Variants in DPH7 observed in about 807,000 individuals in gnomAD.
The protein encoded by DPH7 is diphthine methyltransferase.
Under a neutral mutation model 41.7 loss-of-function variants are expected in DPH7, and 44 were observed. The ratio of observed to expected loss-of-function variants is 1.05; its 90% CI spans 0.83 to 1.36. DPH7 has a LOEUF of 1.36. Among genes scored for constraint, DPH7 ranks in the 40% most tolerant of loss-of-function variants. The pLI, the probability that DPH7 is intolerant of heterozygous loss-of-function variation, is 0.00. For missense variants in DPH7, 629 were observed against 577.5 expected (o/e 1.09, Z -0.91); for synonymous variants, 275 against 238.0 (o/e 1.16, Z -1.43).
intron 3 of DPH7, 151 bp downstream of exon 3, chr9:137,575,929 A>G: frequency 6.9e-7 from 1 of 1,451,224 alleles, no homozygotes; most frequent in South Asian, 1.4e-5. Flanking sequence ...TACAACTTAA[A>G]AATAGACTCC....
rs554932113 is a variant in DPH7 at position 137,575,602 on chromosome 9, C to T, written c.375+478G>A. The T allele has an allele frequency of 5.7e-5, 57 of 1,008,250 alleles. 1 individual carries two copies. The South Asian group carries it at 1.4e-3, about 25-fold the overall frequency. The allele number at this position is 1,008,250 out of a possible 1,614,324, so 62.5% of individuals were successfully genotyped here. A position where few individuals can be genotyped will look rare whatever the true frequency, so the allele number is the denominator to read the frequency against. The stretch of plus-strand genomic sequence containing the variant: ...TCAGGCTGTTTACATCACCCCACTA[C>T]GGGACATCCCCGTTCTCCTCCCCGA... On this transcript the variant is annotated intron_variant, in intron 3 of 8. Transcript: ENST00000277540.
At chr9:137,569,554 C>A (rs1840029899) in intron 5 of DPH7, among the ~76,000 whole-genome samples, 1 of 125,604 alleles carries the variant, frequency 8.0e-6, no homozygotes, top group Non-Finnish European at 1.7e-5. Context: ...ATCCACCCAC[C>A]ACCCACCACC....
At chr9:137,577,886 G>T in intron 1 of DPH7, 1 of 859,466 alleles carries the variant, frequency 1.2e-6, no homozygotes, top group Non-Finnish European at 1.4e-6. Context: ...CCTGACTTAC[G>T]CCTGTTGTTC....
chr9:137,574,941 T>C, intron 3 of DPH7, 98 bp from the exon 4 acceptor site: 2 of 1,569,274 alleles, frequency 1.3e-6, no homozygotes, highest in Non-Finnish European at 8.6e-7. Flanking sequence ...TTCCCTCATT[T>C]ACAACCTATG....
At position 137,556,880 on chromosome 9, in the gene DPH7, CG is replaced by C. The variant is rs1564399120; in HGVS notation, c.950-1233del. ...GAGCCACAGCCTGGGAAAAAGACAG[CG>C]AATGAGTGGACGGAAGACACTGTTG... On this transcript the variant is annotated intron_variant, in intron 8 of 8. Coordinates refer to ENST00000277540, the MANE Select transcript of DPH7 (RefSeq NM_138778.5). This position sits in a 1 kb window ranked among gnomAD's most constrained non-coding sequence, Gnocchi z 5.2. 2 of 456,626 alleles carry C rather than the reference CG, an allele frequency of 4.4e-6. No individual in the cohort carries two copies. The highest frequency in any genetic ancestry group is 2.0e-5 in the African/African-American group (1 of 50,186). The allele number at this position is 456,626 out of a possible 1,614,324, so 28.3% of individuals were successfully genotyped here.
chr9:137,577,455 T>C lies in DPH7; in HGVS notation c.287+15A>G. 6.2e-7 allele frequency: 1 copy of C among 1,612,132 alleles called. No individual in the cohort carries two copies. The highest frequency in any genetic ancestry group is 8.5e-7 in the Non-Finnish European group (1 of 1,178,690). ...ATGACAAATTCTACACCCAGTGGGA[T>C]TATCACAGTTATACCATTTCATGTC... On this transcript the variant is annotated intron_variant, in intron 2 of 8. Transcript: ENST00000277540.
chr9:137,560,608 AC>A, intron 8 of DPH7, among the ~76,000 whole-genome samples: 1 of 152,154 alleles, frequency 6.6e-6, no homozygotes, highest in Non-Finnish European at 1.5e-5. Flanking sequence ...TAATCCCAGC[AC>A]TTTGGGAGGC....
At chr9:137,575,003 C>A in intron 3 of DPH7, 160 bp from the exon 4 acceptor site, 1 of 1,425,720 alleles carries the variant, frequency 7.0e-7, no homozygotes, top group Non-Finnish European at 9.2e-7. Context: ...CACTGAAACC[C>A]CTGCTAGGGG....
chr9:137,571,791 A>C (rs1193040637), intron 5 of DPH7, among the ~76,000 whole-genome samples: 5 of 152,130 alleles, frequency 3.3e-5, no homozygotes. Context: ...TCCATCTCAA[A>C]ATAAATAAAT....
chr9:137,574,387 A>G lies in DPH7; in HGVS notation c.468-7T>C, dbSNP rs1489978471. 1 of 1,610,204 alleles carries G rather than the reference A, an allele frequency of 6.2e-7. No homozygotes were observed. On this transcript the variant is annotated splice_polypyrimidine_tract_variant and splice_region_variant and intron_variant, in intron 4 of 8. Transcript: ENST00000277540. ...CAAGGGCTGGTCCCCGGCCCTAGAC[A>G]CAGGGAACCCATGAAGAAGCCCGGC... is the stretch of plus-strand genomic sequence containing the variant.
rs1042583550 is a variant in DPH7, at chr9:137,575,490, G to C, written c.375+590C>G. ...TTCTAAGACAGGGCAACTGCTCTAA[G>C]CTGCCTTAAGCAAGGCCTTTTCCTA... On this transcript the variant is annotated intron_variant, in intron 3 of 8. Transcript: ENST00000277540. The C allele has an allele frequency of 1.0e-4, 100 of 990,506 alleles. 1 individual carries two copies. In the African/African-American group the frequency reaches 1.6e-3, roughly 16 times the overall value. The allele number at this position is 990,506 out of a possible 1,614,324, so 61.4% of individuals were successfully genotyped here.
chr9:137,572,130 G>A (rs1290537662), intron 5 of DPH7, among the ~76,000 whole-genome samples: 2 of 152,304 alleles, frequency 1.3e-5, no homozygotes, highest in African/African-American at 4.8e-5. Flanking sequence ...CCACGGCGGA[G>A]GTGAGGCCTG....
rs549613882 is a variant in DPH7, at chr9:137,554,990, A to G, written c.*249T>C. 1 of 408,670 alleles carries G rather than the reference A, an allele frequency of 2.4e-6. No individual in the cohort carries two copies. The highest frequency in any genetic ancestry group is 4.3e-6 in the Non-Finnish European group (1 of 235,228). 25.3% of individuals were successfully genotyped at this position (408,670 alleles called of 1,614,324 possible). ...CAAAATCTGCCTGAGAAACTTAACAAATCTGCAAGCTGGAAACCGCGTCTT... is the reference window on the plus strand; with the variant it reads ...CAAAATCTGCCTGAGAAACTTAACAGATCTGCAAGCTGGAAACCGCGTCTT... On this transcript the variant is annotated 3_prime_UTR_variant, in exon 9 of 9. Transcript: ENST00000277540.
At chr9:137,557,506 A>G (rs1172826007) in intron 8 of DPH7, among the ~76,000 whole-genome samples, 5 of 148,292 alleles carry the variant, frequency 3.4e-5, no homozygotes, top group Non-Finnish European at 7.4e-5. Context: ...CTCTGTCTCA[A>G]AAAAAAAAAA....
At chr9:137,576,346 A>C in intron 2 of DPH7, 179 bp from the exon 3 acceptor site, 1 of 596,986 alleles carries the variant, frequency 1.7e-6, no homozygotes, top group East Asian at 2.8e-5. Context: ...CCTATGCCAC[A>C]AACCTTACAG....
In DPH7 at chr9:137,564,931, C is replaced by A; in HGVS notation, c.738G>T (p.Gln246His). The change falls in exon 7 of 9, where the codon CAG becomes CAT. Residue 246 changes from glutamine (Q) to histidine (H), a missense_variant. By Grantham distance (24) the Gln-to-His change is conservative. Transcript: ENST00000277540. ...GGATGTGCTCCCGATGAGGGCTGCT[C>A]TGGATGCTGCACACACCCATGGTGT... ...KRHTMGVCSI[Q>H]SSPHREHILA... The A allele has an allele frequency of 1.9e-6, 3 of 1,596,558 alleles. No homozygotes were observed. The highest frequency in any genetic ancestry group is 2.3e-5 in the East Asian group (1 of 43,894).
At position 137,571,192 on chromosome 9, in the gene DPH7, A is replaced by C. The variant is rs1840366945; in HGVS notation, c.640+3016T>G. On this transcript the variant is annotated intron_variant, in intron 5 of 8. Transcript: ENST00000277540. ...TCCTCAAAATGTATTTATATAAATA[A>C]ATTTTTTTTTTTTGAGACAGAGCCT... Among the ~76,000 whole-genome samples, 3 of 151,578 alleles carry C rather than the reference A, an allele frequency of 2.0e-5. No individual in the cohort carries two copies. The South Asian group carries it at 6.2e-4, about 32-fold the overall frequency.
intron 5 of DPH7, among the ~76,000 whole-genome samples, chr9:137,571,019 G>A (rs1840335407): frequency 6.6e-6 from 1 of 152,094 alleles, no homozygotes; most frequent in Non-Finnish European, 1.5e-5. Context: ...TCAGCCAGGT[G>A]TGGTAACTCA....
At chr9:137,558,154 A>G (rs960516823) in intron 8 of DPH7, among the ~76,000 whole-genome samples, 5 of 152,328 alleles carry the variant, frequency 3.3e-5, no homozygotes, top group South Asian at 4.1e-4. Context: ...AAGAAAAAGA[A>G]AAAAAGGCCT....
Sources: gnomAD v4.1 joint callset for allele counts (sites outside exome capture counted in the v4.1 genomes callset) on GRCh38, gnomAD v4.1.1 for gene constraint, Gnocchi (gnomAD v3.1) non-coding constraint, MANE v1.5 for transcripts, NCBI Gene and HGNC (gene_info 2026-07-23, HGNC 2026-07-21) for gene names.